Variants in NAAA observed in about 807,000 individuals in gnomAD.
NAAA encodes the protein N-acylethanolamine acid amidase.
Under a neutral mutation model 44.8 loss-of-function variants are expected in NAAA, and 39 were observed. The ratio of observed to expected loss-of-function variants is 0.87; its 90% CI spans 0.67 to 1.14. The LOEUF (loss-of-function observed/expected upper bound fraction) is 1.14, where lower values mean the gene tolerates loss of function less well. Among genes scored for constraint, NAAA ranks in the 50% most tolerant of loss-of-function variants. NAAA has a pLI of 0.00. For missense variants in NAAA, 460 were observed against 467.8 expected, an observed-to-expected ratio of 0.98 and a Z score of 0.15; for synonymous variants, 178 against 191.3, an observed-to-expected ratio of 0.93 and a Z score of 0.58.
intron 4 of NAAA, among the ~76,000 whole-genome samples, chr4:75,927,734 C>T (rs1038324817): frequency 1.2e-4 from 17 of 141,534 alleles, no homozygotes; most frequent in African/African-American, 4.3e-4. Flanking sequence ...AGATTGTGCA[C>T]ACATGATCGT....
At chr4:75,913,278 T>C (rs1167321897), downstream of NAAA, among the ~76,000 whole-genome samples, 4 of 151,854 alleles carry the variant, frequency 2.6e-5, no homozygotes, top group Non-Finnish European at 4.4e-5. Flanking sequence ...ACCCTCTTTT[T>C]ATCCCCCGCT....
At chr4:75,918,535 C>T (rs1725839214) in intron 9 of NAAA, among the ~76,000 whole-genome samples, 1 of 151,968 alleles carries the variant, frequency 6.6e-6, no homozygotes, top group South Asian at 2.1e-4. Flanking sequence ...GACTTCTCAC[C>T]TGATTTATAT....
chr4:75,935,176 C>T (rs1727599964), intron 3 of NAAA: 1 of 152,106 alleles, frequency 6.6e-6, no homozygotes, highest in Non-Finnish European at 1.5e-5. Context: ...GAAACTTTTA[C>T]TTTAAATATT....
chr4:75,931,857 A>G lies in NAAA; in HGVS notation c.499-553T>C, dbSNP rs117021475. 5.1e-4 allele frequency among the ~76,000 whole-genome samples: 77 copies of G among 152,324 alleles called. No individual in the cohort carries two copies. The East Asian group carries it at 0.012, about 23-fold the overall frequency. ...ACGTATTTTATTTTATGTATTTATA[A>G]AACAGTATTCACCAAAGGGGTGCAC... On this transcript the variant is annotated intron_variant, in intron 3 of 10. Coordinates refer to ENST00000286733, the MANE Select transcript of NAAA (RefSeq NM_014435.4).
At chr4:75,935,749 G>T in intron 3 of NAAA, 1 of 276,860 alleles carries the variant, frequency 3.6e-6, no homozygotes, top group Non-Finnish European at 6.6e-6. Flanking sequence ...TCCCAAAGTT[G>T]GGTGTTTCTA....
At chr4:75,934,145 C>T (rs763630026) in intron 3 of NAAA, among the ~76,000 whole-genome samples, 6 of 151,438 alleles carry the variant, frequency 4.0e-5, no homozygotes, top group Non-Finnish European at 5.9e-5. Context: ...GTAGGCCTAA[C>T]GCCTGGGTTC....
intron 5 of NAAA, among the ~76,000 whole-genome samples, chr4:75,921,747 G>A (rs1230091029): frequency 1.3e-5 from 2 of 152,180 alleles, no homozygotes; most frequent in African/African-American, 4.8e-5. Flanking sequence ...GTGGTTGCAG[G>A]GTGAGGAGTG....
At chr4:75,919,808 T>G in intron 8 of NAAA, 101 bp downstream of exon 8, 1 of 1,189,196 alleles carries the variant, frequency 8.4e-7, no homozygotes, top group Non-Finnish European at 1.3e-6. Flanking sequence ...ACTTTTACCC[T>G]AACGTTTTCA....
chr4:75,922,102 G>A (rs1253984378), intron 5 of NAAA, among the ~76,000 whole-genome samples: 1 of 152,300 alleles, frequency 6.6e-6, no homozygotes, highest in East Asian at 1.9e-4. Context: ...TGTCAAGGGT[G>A]GAGGTGGTGA....
chr4:75,931,645 A>G (rs1727240871), intron 3 of NAAA, among the ~76,000 whole-genome samples: 3 of 152,244 alleles, frequency 2.0e-5, no homozygotes, highest in Admixed American at 2.0e-4. Context: ...TGCCACTAGT[A>G]GAAATCACAG....
At chr4:75,920,588 C>T in intron 7 of NAAA, 150 bp downstream of exon 7, 1 of 915,526 alleles carries the variant, frequency 1.1e-6, no homozygotes, top group Non-Finnish European at 1.7e-6. Flanking sequence ...CACAACACTC[C>T]CTTCCCAGCC....
downstream of NAAA, among the ~76,000 whole-genome samples, chr4:75,910,774 C>G (rs1179652420): frequency 6.6e-6 from 1 of 152,186 alleles, no homozygotes; most frequent in African/African-American, 2.4e-5. Flanking sequence ...TATCTGGACA[C>G]ATTGTAGTTA....
chr4:75,923,441 C>G (rs534623855), intron 5 of NAAA, among the ~76,000 whole-genome samples: 3 of 152,182 alleles, frequency 2.0e-5, no homozygotes, highest in African/African-American at 7.2e-5. Context: ...GACAAGCAAG[C>G]TGGAAGCTTG....
chr4:75,926,879 C>T (rs1038807893), intron 4 of NAAA, among the ~76,000 whole-genome samples: 3 of 152,082 alleles, frequency 2.0e-5, no homozygotes, highest in African/African-American at 7.2e-5. Flanking sequence ...TGGCACATGC[C>T]TGTAGTCCCA....
intron 5 of NAAA, among the ~76,000 whole-genome samples, chr4:75,921,834 G>A (rs927715689): frequency 1.3e-5 from 2 of 152,182 alleles, no homozygotes; most frequent in Admixed American, 6.5e-5. Flanking sequence ...CGCTACATTA[G>A]CGCCCTGAGC....
At chr4:75,914,510 AT>A (rs1006869333) in intron 10 of NAAA, among the ~76,000 whole-genome samples, 172 bp from the exon 11 acceptor site, 3 of 151,270 alleles carry the variant, frequency 2.0e-5, no homozygotes, top group African/African-American at 7.3e-5. Flanking sequence ...AGTAGTCGGG[AT>A]TTTGGGTACC....
intron 9 of NAAA, among the ~76,000 whole-genome samples, chr4:75,918,418 G>A (rs1278165304): frequency 6.6e-6 from 1 of 151,940 alleles, no homozygotes; most frequent in African/African-American, 2.4e-5. Context: ...TTGCGCCACT[G>A]CACTCCAGCC....
intron 5 of NAAA, 51 bp from the exon 6 acceptor site, chr4:75,921,174 A>G (rs1385628305): frequency 6.7e-7 from 1 of 1,492,416 alleles, no homozygotes; most frequent in Non-Finnish European, 9.0e-7. Flanking sequence ...AGTTGGGTCC[A>G]CACCAGATGA....
At chr4:75,920,856 G>A (rs764015658) in intron 6 of NAAA, 56 bp from the exon 7 acceptor site, 226 of 1,613,138 alleles carry the variant, frequency 1.4e-4, no homozygotes, top group Non-Finnish European at 1.9e-4. Flanking sequence ...CATAGCAGAG[G>A]AGACATATGA....
Sources: gnomAD v4.1 joint callset for allele counts (sites outside exome capture counted in the v4.1 genomes callset) on GRCh38, gnomAD v4.1.1 for gene constraint, MANE v1.5 for transcripts, NCBI Gene and HGNC (gene_info 2026-07-23, HGNC 2026-07-21) for gene names.